KYNU: variants seen among roughly 807,000 people sequenced by gnomAD.
KYNU encodes kynureninase, also known as L-kynurenine hydrolase.
KYNU carries 54 observed loss-of-function variants against 59.2 expected under a neutral mutation model. The observed-to-expected ratio is 0.91, with a 90% confidence interval of 0.73 to 1.14. The LOEUF (loss-of-function observed/expected upper bound fraction) is 1.14. Ranked by LOEUF, KYNU falls within the 50% of genes most tolerant of loss-of-function variation. The pLI, the probability that KYNU is intolerant of heterozygous loss-of-function variation, is 0.00. For synonymous variants in KYNU, 177 were observed against 192.0 expected (o/e 0.92, Z 0.65); for missense variants, 567 against 554.4 (o/e 1.02, Z -0.23).
At chr2:143,001,755 A>G (rs1355562283) in intron 10 of KYNU, among the ~76,000 whole-genome samples, 1 of 152,148 alleles carries the variant, frequency 6.6e-6, no homozygotes, top group Non-Finnish European at 1.5e-5. Context: ...GAGTCACTCA[A>G]CCACTTTAAG....
chr2:142,904,654 C>T (rs1038432799), intron 2 of KYNU, among the ~76,000 whole-genome samples: 5 of 152,184 alleles, frequency 3.3e-5, no homozygotes, highest in African/African-American at 1.2e-4. Context: ...AAGGTACATA[C>T]ACTCTGACAA....
intron 2 of KYNU, among the ~76,000 whole-genome samples, chr2:142,902,448 G>A (rs1471096571): frequency 6.6e-6 from 1 of 152,138 alleles, no homozygotes; most frequent in Non-Finnish European, 1.5e-5. Flanking sequence ...TCCTTAATTA[G>A]TGTATATAAT....
At chr2:142,957,232 T>A (rs1468451487) in intron 6 of KYNU, among the ~76,000 whole-genome samples, 1 of 152,188 alleles carries the variant, frequency 6.6e-6, no homozygotes, top group Non-Finnish European at 1.5e-5. Flanking sequence ...GTACTCTTAA[T>A]GAAGTAAACT....
chr2:142,883,816 A>C (rs1681393020), intron 1 of KYNU, among the ~76,000 whole-genome samples: 1 of 152,144 alleles, frequency 6.6e-6, no homozygotes, highest in East Asian at 1.9e-4. Flanking sequence ...TCTATTCTTC[A>C]TTTACAAATA....
intron 2 of KYNU, among the ~76,000 whole-genome samples, chr2:142,888,378 A>C (rs145477751): frequency 2.4e-4 from 37 of 152,304 alleles, no homozygotes; most frequent in African/African-American, 8.2e-4. Flanking sequence ...GGATCACCTA[A>C]GCCCAGTAGT....
At chr2:143,025,338 C>T (rs1455099942) in intron 10 of KYNU, among the ~76,000 whole-genome samples, 2 of 151,854 alleles carry the variant, frequency 1.3e-5, no homozygotes, top group East Asian at 3.9e-4. Flanking sequence ...TTTCATTGTT[C>T]GTCACTGAAT....
At chr2:142,980,767 G>A (rs751879499) in intron 8 of KYNU, among the ~76,000 whole-genome samples, 6 of 152,080 alleles carry the variant, frequency 3.9e-5, no homozygotes, top group Non-Finnish European at 8.8e-5. Flanking sequence ...ATCAACATGA[G>A]TGTGAGCACC....
At chr2:142,926,807 G>A (rs1376483018) in intron 3 of KYNU, among the ~76,000 whole-genome samples, 2 of 152,132 alleles carry the variant, frequency 1.3e-5, no homozygotes, top group Non-Finnish European at 2.9e-5. Flanking sequence ...ACAAGTGATA[G>A]GGCAGGAGGC....
chr2:142,965,866 TC>T (rs961947321), intron 8 of KYNU, among the ~76,000 whole-genome samples: 1 of 152,134 alleles, frequency 6.6e-6, no homozygotes, highest in African/African-American at 2.4e-5. Context: ...ATCTCATTGT[TC>T]CTAACCCATT....
chr2:142,987,634 G>T (rs1685249798), intron 10 of KYNU, among the ~76,000 whole-genome samples: 1 of 151,850 alleles, frequency 6.6e-6, no homozygotes, highest in Non-Finnish European at 1.5e-5. Context: ...TCAGTATTCT[G>T]GTCTCTGAGC....
At chr2:142,924,266 G>C (rs964959773) in intron 3 of KYNU, among the ~76,000 whole-genome samples, 1 of 151,742 alleles carries the variant, frequency 6.6e-6, no homozygotes, top group African/African-American at 2.4e-5. Flanking sequence ...CACCAAGCCT[G>C]GTTAATTTTT....
rs116561313 is a variant in KYNU at position 142,956,153 on chromosome 2, A to G, written c.436-50A>G. 1.7e-4 allele frequency: 167 copies of G among 996,246 alleles called. No individual in the cohort carries two copies. The African/African-American group carries it at 2.5e-3, about 15-fold the overall frequency. 61.7% of individuals were successfully genotyped at this position (996,246 alleles called of 1,614,324 possible). ...TGATAGTGTGACATAAAATGAACAA[A>G]TGTATAAATTGTGTATTAATGCTTT... On this transcript the variant is annotated intron_variant, in intron 5 of 13. Transcript: ENST00000264170.
At chr2:143,003,136 T>G (rs1405654343) in intron 10 of KYNU, among the ~76,000 whole-genome samples, 1 of 152,172 alleles carries the variant, frequency 6.6e-6, no homozygotes, top group Non-Finnish European at 1.5e-5. Flanking sequence ...TAAACATTAG[T>G]ACATTAAATA....
chr2:143,032,864 A>T (rs1686797160), intron 11 of KYNU, among the ~76,000 whole-genome samples: 1 of 152,108 alleles, frequency 6.6e-6, no homozygotes, highest in Non-Finnish European at 1.5e-5. Flanking sequence ...TGCCACTAAA[A>T]GCTGATGCTC....
chr2:142,946,116 C>T (rs1476687201), intron 4 of KYNU, among the ~76,000 whole-genome samples: 5 of 151,704 alleles, frequency 3.3e-5, no homozygotes, highest in African/African-American at 1.2e-4. Context: ...CAGAGTCTTG[C>T]TCTGTCACAC....
intron 8 of KYNU, among the ~76,000 whole-genome samples, chr2:142,981,670 A>T (rs1685056162): frequency 6.6e-6 from 1 of 152,108 alleles, no homozygotes; most frequent in Admixed American, 6.6e-5. Flanking sequence ...AGGAACAAAG[A>T]ATAAATTAAT....
chr2:142,991,351 G>A (rs970599104), intron 10 of KYNU, among the ~76,000 whole-genome samples: 1 of 151,906 alleles, frequency 6.6e-6, no homozygotes, highest in African/African-American at 2.4e-5. Context: ...TGAGACAACA[G>A]GAAGCATAGG....
chr2:143,015,198 T>C (rs956762953), intron 10 of KYNU, among the ~76,000 whole-genome samples: 13 of 152,276 alleles, frequency 8.5e-5, no homozygotes, highest in Non-Finnish European at 1.6e-4. Context: ...TCTGGAAAAA[T>C]CATTAGACAA....
chr2:142,988,563 G>C (rs1685294835), intron 10 of KYNU, among the ~76,000 whole-genome samples: 3 of 151,840 alleles, frequency 2.0e-5, no homozygotes, highest in Admixed American at 2.0e-4. Context: ...TTTATTTTGT[G>C]TGTGTATGAG....
Sources: gnomAD v4.1 joint callset for allele counts (sites outside exome capture counted in the v4.1 genomes callset) on GRCh38, gnomAD v4.1.1 for gene constraint, MANE v1.5 for transcripts, NCBI Gene and HGNC (gene_info 2026-07-23, HGNC 2026-07-21) for gene names.